Variants in DCAF6 observed in about 807,000 individuals in gnomAD.
DCAF6 encodes DDB1 and CUL4 associated factor 6.
DCAF6 carries 54 observed loss-of-function variants against 125.1 expected under a neutral mutation model. That is an observed-to-expected ratio of 0.43 (90% CI 0.35 to 0.54). The LOEUF (loss-of-function observed/expected upper bound fraction) is 0.54. Among genes scored for constraint, DCAF6 ranks in the 20% least tolerant of loss-of-function variants. The pLI is 0.01. For missense variants in DCAF6, 934 were observed against 1,161.7 expected (o/e 0.80, Z 2.85); for synonymous variants, 371 against 390.4 (o/e 0.95, Z 0.58).
chr1:168,069,111 C>T (rs909634244), intron 21 of DCAF6, among the ~76,000 whole-genome samples: 3 of 152,106 alleles, frequency 2.0e-5, no homozygotes, highest in African/African-American at 7.2e-5. Flanking sequence ...ATGTATCAGG[C>T]TTATACTAAT....
At chr1:167,888,883 A>AG in the DCAF6 span, among the ~76,000 whole-genome samples, 1 of 151,242 alleles carries the variant, frequency 6.6e-6, no homozygotes, top group African/African-American at 2.4e-5. Flanking sequence ...CTCAAAAAAA[A>AG]AAAAAAAGAA....
chr1:167,910,874 T>C, the DCAF6 span, among the ~76,000 whole-genome samples: 2 of 152,212 alleles, frequency 1.3e-5, no homozygotes, highest in Admixed American at 6.5e-5. Context: ...ACTGAGCTAA[T>C]GAAAACAGAG....
chr1:167,919,653 T>C, the DCAF6 span, among the ~76,000 whole-genome samples: 3 of 152,192 alleles, frequency 2.0e-5, no homozygotes, highest in Admixed American at 2.0e-4. Flanking sequence ...GTATATGTTG[T>C]CTTAATAAAA....
intron 16 of DCAF6, among the ~76,000 whole-genome samples, chr1:168,048,729 A>G (rs1203611650): frequency 1.3e-5 from 2 of 152,340 alleles, no homozygotes; most frequent in East Asian, 1.9e-4. Context: ...AAAGAGCCAT[A>G]TAGTAAATAT....
intron 10 of DCAF6, among the ~76,000 whole-genome samples, chr1:168,006,452 T>A (rs1293392452): frequency 3.9e-5 from 6 of 152,162 alleles, no homozygotes; most frequent in Admixed American, 3.9e-4. Context: ...ATCAAGACAT[T>A]ATCACTATTG....
the DCAF6 span, among the ~76,000 whole-genome samples, chr1:167,889,103 T>A: frequency 6.6e-6 from 1 of 152,176 alleles, no homozygotes; most frequent in Non-Finnish European, 1.5e-5. Flanking sequence ...ACATAGGACT[T>A]CCAGTATTAT....
the DCAF6 span, among the ~76,000 whole-genome samples, chr1:167,876,777 T>C: frequency 1.3e-5 from 2 of 152,218 alleles, no homozygotes; most frequent in South Asian, 4.1e-4. Flanking sequence ...GTCCTCTCAT[T>C]CTGGACTCAG....
At chr1:167,944,921 T>C (rs962785675) in intron 1 of DCAF6, among the ~76,000 whole-genome samples, 3 of 152,342 alleles carry the variant, frequency 2.0e-5, no homozygotes, top group African/African-American at 7.2e-5. Flanking sequence ...AAGAGTTCAA[T>C]TGCATTCTTC....
chr1:167,891,386 G>A, the DCAF6 span, among the ~76,000 whole-genome samples: 1 of 151,906 alleles, frequency 6.6e-6, no homozygotes, highest in Non-Finnish European at 1.5e-5. Context: ...GTCGGGCGCA[G>A]TGGCTCACAT....
the DCAF6 span, chr1:167,870,217 T>A: frequency 6.2e-7 from 1 of 1,612,096 alleles, no homozygotes; most frequent in Non-Finnish European, 8.5e-7. Flanking sequence ...AAATCAGGAT[T>A]CTATGGGTTC....
chr1:168,022,256 T>C (rs1685757523), intron 11 of DCAF6, among the ~76,000 whole-genome samples: 1 of 152,226 alleles, frequency 6.6e-6, no homozygotes, highest in Non-Finnish European at 1.5e-5. Flanking sequence ...AATTCTTACA[T>C]AGAAACCCAG....
the DCAF6 span, chr1:167,883,547 G>T: frequency 1.2e-6 from 2 of 1,614,162 alleles, no homozygotes; most frequent in South Asian, 1.1e-5. Flanking sequence ...GCTTTGTCTT[G>T]GTCTTCAAAC....
intron 1 of DCAF6, among the ~76,000 whole-genome samples, chr1:167,940,437 C>T (rs1012135600): frequency 2.0e-5 from 3 of 151,516 alleles, no homozygotes; most frequent in Non-Finnish European, 4.4e-5. Flanking sequence ...TGTGCAGTGG[C>T]ACCCTCATGG....
the DCAF6 span, among the ~76,000 whole-genome samples, chr1:167,887,556 G>C: frequency 1.3e-5 from 2 of 152,086 alleles, no homozygotes; most frequent in African/African-American, 2.4e-5. Flanking sequence ...GGGCTGGGGG[G>C]AAGGGGGAGG....
chr1:168,016,039 C>G (rs1684926569), intron 11 of DCAF6, 88 bp downstream of exon 11: 1 of 1,171,534 alleles, frequency 8.5e-7, no homozygotes, highest in Non-Finnish European at 1.1e-6. Context: ...TTTTCCCATT[C>G]AAAAAGAGAG....
At chr1:167,940,829 C>T (rs1489461906) in intron 1 of DCAF6, among the ~76,000 whole-genome samples, 2 of 152,100 alleles carry the variant, frequency 1.3e-5, no homozygotes, top group African/African-American at 2.4e-5. Flanking sequence ...TAAGGTACTT[C>T]TCAAGGGAGT....
chr1:167,927,584 A>T, the DCAF6 span, among the ~76,000 whole-genome samples: 1 of 152,180 alleles, frequency 6.6e-6, no homozygotes, highest in African/African-American at 2.4e-5. Flanking sequence ...TGAAAGCTGA[A>T]GTTTCTGTCA....
chr1:167,943,763 T>A (rs1672629760), intron 1 of DCAF6, among the ~76,000 whole-genome samples: 1 of 152,188 alleles, frequency 6.6e-6, no homozygotes, highest in Non-Finnish European at 1.5e-5. Flanking sequence ...ACATCATACT[T>A]GTCTTTGTGT....
chr1:168,036,022 A>G (rs1207018941), intron 12 of DCAF6, among the ~76,000 whole-genome samples: 3 of 152,190 alleles, frequency 2.0e-5, no homozygotes, highest in African/African-American at 7.2e-5. Flanking sequence ...AGATCGCGCC[A>G]TTGCACTCCA....
Sources: gnomAD v4.1 joint callset for allele counts (sites outside exome capture counted in the v4.1 genomes callset) on GRCh38, gnomAD v4.1.1 for gene constraint, MANE v1.5 for transcripts, NCBI Gene and HGNC (gene_info 2026-07-23, HGNC 2026-07-21) for gene names.